The following RALGPS1 variants were observed in gnomAD, a reference collection of about 807,000 sequenced individuals.
RALGPS1 encodes ras-specific guanine nucleotide-releasing factor RalGPS1.
RALGPS1 carries 19 observed loss-of-function variants against 78.8 expected under a neutral mutation model. The ratio of observed to expected loss-of-function variants is 0.24; its 90% CI spans 0.17 to 0.35. The LOEUF (loss-of-function observed/expected upper bound fraction) is 0.35, where lower values mean the gene tolerates loss of function less well. Ranked by LOEUF, RALGPS1 falls within the 10% of genes least tolerant of loss-of-function variation. The pLI is 1.00. For synonymous variants in RALGPS1, 228 were observed against 256.3 expected, an observed-to-expected ratio of 0.89 and a Z score of 1.06; for missense variants, 454 against 688.3, an observed-to-expected ratio of 0.66 and a Z score of 3.81.
At chr9:126,969,857 C>G (rs927047550) in intron 3 of RALGPS1, among the ~76,000 whole-genome samples, 4 of 152,140 alleles carry the variant, frequency 2.6e-5, no homozygotes, top group Non-Finnish European at 5.9e-5. Flanking sequence ...ATGGTGAATA[C>G]TTTTTGAGAA....
intron 1 of RALGPS1, among the ~76,000 whole-genome samples, chr9:126,946,049 C>T (rs184308580): frequency 3.3e-5 from 5 of 152,232 alleles, no homozygotes; most frequent in East Asian, 1.9e-4. Flanking sequence ...AGGGAGACTG[C>T]GTAAGAGGCT....
Position 127,195,049 on chromosome 9 carries a change from C to G in RALGPS1, c.911-42C>G, listed in dbSNP as rs7049179. The G allele has an allele frequency of 9.6e-3, 15,367 of 1,605,842 alleles. 1,319 individuals are homozygous for G. In the African/African-American group the frequency reaches 0.18, roughly 19 times the overall value. ...CCAGCCTGTGCAGCCCCTCACCCTC[C>G]CATCATAACCCCCGTTGTTGCTCTC... On this transcript the variant is annotated intron_variant, in intron 11 of 18. Transcript: ENST00000259351.
chr9:127,011,627 T>G (rs532976299), intron 4 of RALGPS1, among the ~76,000 whole-genome samples: 2 of 152,342 alleles, frequency 1.3e-5, no homozygotes, highest in Admixed American at 6.5e-5. Flanking sequence ...GTTAGTAACT[T>G]CTGACTAGGT....
chr9:127,001,174 G>C (rs2043274390), intron 4 of RALGPS1, among the ~76,000 whole-genome samples: 1 of 151,556 alleles, frequency 6.6e-6, no homozygotes, highest in African/African-American at 2.4e-5. Flanking sequence ...TGTCGTCCCA[G>C]CTATTAGGAG....
At chr9:127,161,831 T>G (rs1274296724) in intron 8 of RALGPS1, among the ~76,000 whole-genome samples, 1 of 151,434 alleles carries the variant, frequency 6.6e-6, no homozygotes, top group East Asian at 1.9e-4. Context: ...CAAATCCTGC[T>G]TCTGCCAGTT....
chr9:127,146,986 A>G (rs1245519783), intron 8 of RALGPS1, among the ~76,000 whole-genome samples: 2 of 152,220 alleles, frequency 1.3e-5, no homozygotes, highest in African/African-American at 4.8e-5. Context: ...ACTAATTTAC[A>G]TTCCCACCAA....
intron 4 of RALGPS1, among the ~76,000 whole-genome samples, chr9:126,983,601 A>T (rs1283834373): frequency 6.6e-6 from 1 of 152,164 alleles, no homozygotes; most frequent in Non-Finnish European, 1.5e-5. Context: ...AACAAAACCC[A>T]CTAATAGCAG....
chr9:127,009,199 G>A (rs2044131567), intron 4 of RALGPS1, among the ~76,000 whole-genome samples: 1 of 152,168 alleles, frequency 6.6e-6, no homozygotes, highest in African/African-American at 2.4e-5. Flanking sequence ...GGCACTATAG[G>A]CATCCCTGTT....
chr9:126,960,138 CCT>C (rs1390626446), intron 1 of RALGPS1, among the ~76,000 whole-genome samples: 1 of 150,202 alleles, frequency 6.7e-6, no homozygotes, highest in Admixed American at 6.7e-5. Context: ...GTTGCTTGCC[CCT>C]GTTTCTTCCC....
chr9:126,959,423 C>T (rs959866945), intron 1 of RALGPS1, among the ~76,000 whole-genome samples: 4 of 152,088 alleles, frequency 2.6e-5, no homozygotes, highest in Admixed American at 2.6e-4. Flanking sequence ...TTTAAAGCTG[C>T]ACCAGCTGTG....
At chr9:127,113,466 T>G (rs2055064454) in intron 8 of RALGPS1, among the ~76,000 whole-genome samples, 2 of 151,872 alleles carry the variant, frequency 1.3e-5, no homozygotes, top group Middle Eastern at 3.4e-3. Context: ...CTCTTGATAT[T>G]TATTCAACTC....
chr9:127,209,748 CT>C lies in RALGPS1; in HGVS notation c.1248-2382del, dbSNP rs145825066. Among the ~76,000 whole-genome samples the C allele has an allele frequency of 1.6e-3, 242 of 152,256 alleles. 3 individuals carry two copies. Among genetic ancestry groups the C allele is most frequent in the African/African-American group, 5.5e-3 (229 of 41,536 alleles). On this transcript the variant is annotated intron_variant, in intron 14 of 18. Transcript: ENST00000259351. Reference sequence around the variant, plus strand: ...CTTCCTGGGAGGAGGACAAAGGCCCCTGGGCAGGTACGATGTACCTGCTGCA... The same window carrying C: ...CTTCCTGGGAGGAGGACAAAGGCCCCGGGCAGGTACGATGTACCTGCTGCA...
intron 8 of RALGPS1, among the ~76,000 whole-genome samples, chr9:127,096,459 AC>A (rs2053153761): frequency 6.6e-6 from 1 of 152,138 alleles, no homozygotes; most frequent in South Asian, 2.1e-4. Flanking sequence ...AGCTGCCAGG[AC>A]TGCTGCAGAA....
chr9:127,126,258 G>A (rs1041429923), intron 8 of RALGPS1, among the ~76,000 whole-genome samples: 3 of 151,456 alleles, frequency 2.0e-5, no homozygotes, highest in African/African-American at 7.3e-5. Flanking sequence ...TGTTGTTCCT[G>A]TATACATAAT....
At chr9:127,217,540 T>A in intron 18 of RALGPS1, 2 of 609,724 alleles carry the variant, frequency 3.3e-6, no homozygotes, top group Non-Finnish European at 4.1e-6. Flanking sequence ...TTAAACCTTA[T>A]CTATAACATA....
intron 2 of RALGPS1, among the ~76,000 whole-genome samples, chr9:126,965,501 G>A (rs2039392183): frequency 6.6e-6 from 1 of 152,184 alleles, no homozygotes; most frequent in Admixed American, 6.5e-5. Context: ...GGCAACTGAA[G>A]GTATGTGTTT....
At chr9:126,933,732 A>AG (rs1467669481) in intron 1 of RALGPS1, among the ~76,000 whole-genome samples, 1 of 151,152 alleles carries the variant, frequency 6.6e-6, no homozygotes, top group Admixed American at 6.6e-5. Flanking sequence ...GGGTATGGTG[A>AG]GGGGGTGCTT....
intron 8 of RALGPS1, among the ~76,000 whole-genome samples, chr9:127,104,176 T>C (rs2054000554): frequency 6.6e-6 from 1 of 152,236 alleles, no homozygotes; most frequent in African/African-American, 2.4e-5. Context: ...ATTCTCTTTC[T>C]CAGGAGAGAA....
intron 8 of RALGPS1, among the ~76,000 whole-genome samples, chr9:127,078,403 A>T (rs2136078516): frequency 6.6e-6 from 1 of 152,320 alleles, no homozygotes; most frequent in East Asian, 1.9e-4. Flanking sequence ...GAAAAAAAAC[A>T]TAGCTTGACT....
Sources: allele counts gnomAD v4.1 joint callset (sites outside exome capture counted in the v4.1 genomes callset), GRCh38; gene constraint gnomAD v4.1.1; transcripts MANE v1.5; gene names NCBI Gene and HGNC (gene_info 2026-07-23, HGNC 2026-07-21).